NUP93: variants seen among roughly 807,000 people sequenced by gnomAD.
NUP93 encodes the protein nucleoporin 93.
Under a neutral mutation model 107.8 loss-of-function variants are expected in NUP93, and 55 were observed. The ratio of observed to expected loss-of-function variants is 0.51; its 90% CI spans 0.41 to 0.64. The LOEUF (loss-of-function observed/expected upper bound fraction) is 0.64. NUP93 is among the 30% of genes least tolerant of loss of function. The pLI, the probability that NUP93 is intolerant of heterozygous loss-of-function variation, is 0.00. For synonymous variants in NUP93, 390 were observed against 397.5 expected, an observed-to-expected ratio of 0.98 and a Z score of 0.22; for missense variants, 937 against 1,044.7, an observed-to-expected ratio of 0.90 and a Z score of 1.42.
At chr16:56,771,856 G>T (rs1390351589) in intron 3 of NUP93, among the ~76,000 whole-genome samples, 2 of 152,180 alleles carry the variant, frequency 1.3e-5, no homozygotes, top group South Asian at 4.1e-4. Flanking sequence ...GTAGCAAACT[G>T]AAACAAATGC....
intron 3 of NUP93, among the ~76,000 whole-genome samples, chr16:56,775,415 A>G (rs1453697353): frequency 2.6e-5 from 4 of 152,210 alleles, no homozygotes; most frequent in African/African-American, 9.7e-5. Context: ...ATGCTGTGTT[A>G]AGCACTTTAA....
chr16:56,767,031 C>G (rs1962228070), intron 3 of NUP93, among the ~76,000 whole-genome samples: 1 of 152,210 alleles, frequency 6.6e-6, no homozygotes, highest in African/African-American at 2.4e-5. Context: ...CAGCTTCCAT[C>G]TTGCACTTCA....
intron 3 of NUP93, chr16:56,781,799 A>C (rs1962519919): frequency 1.0e-6 from 1 of 983,706 alleles, no homozygotes; most frequent in Non-Finnish European, 1.2e-6. Context: ...GTCCGTTAAC[A>C]ATAAAATACC....
chr16:56,824,940 G>GT (rs1963625978), intron 8 of NUP93, among the ~76,000 whole-genome samples: 1 of 152,102 alleles, frequency 6.6e-6, no homozygotes, highest in Admixed American at 6.5e-5. Flanking sequence ...GAATTTTTGT[G>GT]TTTAAGTTTT....
intron 5 of NUP93, among the ~76,000 whole-genome samples, chr16:56,807,483 T>G (rs1963167721): frequency 6.6e-6 from 1 of 152,222 alleles, no homozygotes; most frequent in Non-Finnish European, 1.5e-5. Context: ...AAGATAAGGA[T>G]CTTTGTTTTG....
chr16:56,830,078 A>G (rs1963748909), intron 9 of NUP93, among the ~76,000 whole-genome samples: 1 of 152,212 alleles, frequency 6.6e-6, no homozygotes, highest in South Asian at 2.1e-4. Context: ...ACTGAGTAAA[A>G]TGTTTATGAC....
At chr16:56,737,997 T>C (rs2144433907) in intron 1 of NUP93, among the ~76,000 whole-genome samples, 2 of 152,350 alleles carry the variant, frequency 1.3e-5, no homozygotes, top group South Asian at 4.1e-4. Context: ...GATCTGCCCC[T>C]GTTTATGCTA....
intron 1 of NUP93, among the ~76,000 whole-genome samples, chr16:56,739,334 C>T (rs1314961809): frequency 1.0e-4 from 6 of 59,692 alleles, no homozygotes; most frequent in East Asian, 4.6e-4. Context: ...GGCGGCTGGC[C>T]GGGCAGGGGG....
At chr16:56,806,282 C>T (rs1318977973) in intron 5 of NUP93, among the ~76,000 whole-genome samples, 3 of 151,872 alleles carry the variant, frequency 2.0e-5, no homozygotes, top group Admixed American at 6.6e-5. Flanking sequence ...CACATGTTGA[C>T]AAATCCAGTT....
intron 3 of NUP93, among the ~76,000 whole-genome samples, chr16:56,791,046 A>T (rs370824860): frequency 1.3e-5 from 2 of 152,172 alleles, no homozygotes; most frequent in African/African-American, 4.8e-5. Context: ...TGTATTGTAC[A>T]TATTAAAATG....
chr16:56,834,408 G>A lies in NUP93; in HGVS notation c.1703G>A (p.Arg568His), dbSNP rs770548557. The A allele has an allele frequency of 9.3e-6, 15 of 1,614,186 alleles. No homozygotes were observed. Among genetic ancestry groups the A allele is most frequent in the East Asian group, 2.2e-5 (1 of 44,890 alleles). Reference protein sequence around the residue: ...KDSQGENMFLRCVSELVIESR... With the variant: ...KDSQGENMFLHCVSELVIESR... ...AGTCAAGGAGAAAACATGTTTCTGC[G>A]CTGTGTGAGTGAGCTTGTGATTGAA... The change falls in exon 15 of 22, where the codon CGC becomes CAC. Residue 568 changes from arginine (R) to histidine (H), a missense_variant. By Grantham distance (29) the Arg-to-His change is conservative. Coordinates refer to ENST00000308159, the MANE Select transcript of NUP93 (RefSeq NM_014669.5).
At chr16:56,833,585 C>T (rs1286768641) in intron 13 of NUP93, among the ~76,000 whole-genome samples, 179 bp downstream of exon 13, 2 of 151,188 alleles carry the variant, frequency 1.3e-5, no homozygotes, top group Non-Finnish European at 3.0e-5. Context: ...TCCCCCCCAC[C>T]CCCCAGCATT....
intron 1 of NUP93, among the ~76,000 whole-genome samples, chr16:56,739,525 T>C (rs1597099817): frequency 4.6e-5 from 4 of 87,316 alleles, no homozygotes; most frequent in South Asian, 4.9e-4. Flanking sequence ...GCGGGGGGGC[T>C]GACCCCCCCC....
chr16:56,828,194 TAAAA>T (rs34184189), intron 8 of NUP93, among the ~76,000 whole-genome samples: 4 of 113,430 alleles, frequency 3.5e-5, no homozygotes, highest in African/African-American at 3.4e-5. Flanking sequence ...CCCTGCCTCT[TAAAA>T]AAAAAAAAAA....
At chr16:56,842,624 C>G (rs1964048325) in intron 21 of NUP93, 1 of 450,890 alleles carries the variant, frequency 2.2e-6, no homozygotes, top group South Asian at 1.6e-5. Context: ...ACGATCTCAG[C>G]TCACTGCAAC....
rs577313930 is a variant in NUP93, at chr16:56,765,838, G to A, written c.297+7183G>A. 1.8e-3 allele frequency among the ~76,000 whole-genome samples: 281 copies of A among 152,266 alleles called. 2 individuals are homozygous for A. Among genetic ancestry groups the A allele is most frequent in the African/African-American group, 6.6e-3 (276 of 41,544 alleles). The stretch of plus-strand genomic sequence containing the variant: ...CATCCTGTTTCATGTTTATAATTAG[G>A]TAGCCTAATGCTGATCACAGTGGTA... On this transcript the variant is annotated intron_variant, in intron 3 of 21. Coordinates refer to ENST00000308159, the MANE Select transcript of NUP93 (RefSeq NM_014669.5).
At chr16:56,806,003 C>T (rs1963130469) in intron 5 of NUP93, among the ~76,000 whole-genome samples, 2 of 150,614 alleles carry the variant, frequency 1.3e-5, no homozygotes, top group Non-Finnish European at 2.9e-5. Context: ...CAGCCTTGAA[C>T]CTTAGTGTTA....
At position 56,844,994 on chromosome 16, in the gene NUP93, A is replaced by G. The variant is rs1964098983; in HGVS notation, c.*385A>G. On this transcript the variant is annotated 3_prime_UTR_variant, in exon 22 of 22. Coordinates refer to ENST00000308159, the MANE Select transcript of NUP93 (RefSeq NM_014669.5). ...CTTTTATTTAGATATAATATTCCAT[A>G]TAGCAGAGTCACGATTCATTTTCAC... 3.5e-6 allele frequency: 1 copy of G among 288,970 alleles called. No homozygotes were observed. The allele number at this position is 288,970 out of a possible 1,614,324, so 17.9% of individuals were successfully genotyped here.
In NUP93 at chr16:56,832,378, G is replaced by C. The variant is rs1330792551; in HGVS notation, c.1335G>C (p.Leu445Phe). The change falls in exon 12 of 22, where the codon TTG (leucine) becomes TTC (phenylalanine). Residue 445 changes from leucine to phenylalanine, a missense_variant. Leu to Phe is a conservative substitution (Grantham distance 22). Transcript: ENST00000308159. ...TCTCACAGTTCCAGAAGCAGTTGTT[G>C]GAAGACTATGGTAAGATTCTGGACA... ...LTLSQFQKQL[L>F]EDYGESHFTV... is the part of the protein sequence containing the mutation. The C allele has an allele frequency of 5.6e-6, 9 of 1,613,012 alleles. No homozygotes were observed. The highest frequency in any genetic ancestry group is 7.6e-6 in the Non-Finnish European group (9 of 1,178,996).
Sources: gnomAD v4.1 joint callset for allele counts (sites outside exome capture counted in the v4.1 genomes callset) on GRCh38, gnomAD v4.1.1 for gene constraint, MANE v1.5 for transcripts, NCBI Gene and HGNC (gene_info 2026-07-23, HGNC 2026-07-21) for gene names.